The following RNF212B variants were observed in gnomAD, a reference collection of about 807,000 sequenced individuals.
RNF212B encodes E3 ubiquitin-protein ligase RNF212B.
Under a neutral mutation model 55.5 loss-of-function variants are expected in RNF212B, and 52 were observed. The ratio of observed to expected loss-of-function variants is 0.94; its 90% confidence interval spans 0.75 to 1.18. The LOEUF (loss-of-function observed/expected upper bound fraction) is 1.18. Ranked by LOEUF, RNF212B falls within the 50% of genes most tolerant of loss-of-function variation. RNF212B has a pLI of 0.00. For missense variants in RNF212B, 289 were observed against 350.4 expected (o/e 0.82, Z 1.40); for synonymous variants, 99 against 121.4 (o/e 0.82, Z 1.21).
At chr14:23,187,766 T>C (rs1249227363) in intron 1 of RNF212B, among the ~76,000 whole-genome samples, 1 of 152,196 alleles carries the variant, frequency 6.6e-6, no homozygotes, top group Non-Finnish European at 1.5e-5. Context: ...CTATGTGCTT[T>C]AGTTTAAAGC....
chr14:23,209,095 C>T (rs56183109), intron 2 of RNF212B, among the ~76,000 whole-genome samples: 3 of 152,150 alleles, frequency 2.0e-5, no homozygotes, highest in African/African-American at 4.8e-5. Flanking sequence ...TGATGATATG[C>T]TAAACAAGGG....
At chr14:23,214,098 G>A (rs1264073081) in intron 2 of RNF212B, among the ~76,000 whole-genome samples, 8 of 152,190 alleles carry the variant, frequency 5.3e-5, no homozygotes, top group African/African-American at 1.4e-4. Flanking sequence ...GCAACATAGT[G>A]AGACTCTGTA....
rs1398330099 is a variant in RNF212B, at chr14:23,199,326, G to A, written c.-2+5925G>A. On this transcript the variant is annotated intron_variant, in intron 2 of 15. Transcript: ENST00000399910. ...GAGGAGGCTTCCAGGTCACAGATAG[G>A]TGATACACAAATGGTTACATTCTTT... 5.3e-5 allele frequency among the ~76,000 whole-genome samples: 8 copies of A among 152,074 alleles called. No homozygotes were observed. In the East Asian group the frequency reaches 1.5e-3, roughly 29 times the overall value.
At position 23,266,404 on chromosome 14, in the gene RNF212B, G is replaced by GTTTTTTTTTT. The variant is rs57731750; in HGVS notation, c.634+1748_634+1757dup. Among the ~76,000 whole-genome samples, 50 of 46,874 alleles carry GTTTTTTTTTT rather than the reference G, an allele frequency of 1.1e-3. 3 individuals carry two copies. Among genetic ancestry groups the GTTTTTTTTTT allele is most frequent in the African/African-American group, 2.1e-3 (16 of 7,772 alleles). The allele number at this position is 46,874 out of a possible 152,430, so 30.8% of individuals were successfully genotyped here. ...TTCAGTGATTTAAATCCTTTTAAATGTTTTTTTTTTTTTTTTTTTTTTTTG... is the reference window on the plus strand; with the variant it reads ...TTCAGTGATTTAAATCCTTTTAAATGTTTTTTTTTTTTTTTTTTTTTTTTTTTTTTTTTTG... On this transcript the variant is annotated intron_variant, in intron 11 of 14. Coordinates refer to ENST00000430154, the MANE Select transcript of RNF212B (RefSeq NM_001282322.3).
chr14:23,257,401 G>T (rs1209621966), intron 4 of RNF212B, among the ~76,000 whole-genome samples: 1 of 151,924 alleles, frequency 6.6e-6, no homozygotes, highest in Non-Finnish European at 1.5e-5. Flanking sequence ...AAATAGACTA[G>T]AGTAAATTCT....
intron 2 of RNF212B, among the ~76,000 whole-genome samples, chr14:23,203,996 C>T (rs1038482819): frequency 1.3e-5 from 2 of 152,046 alleles, no homozygotes; most frequent in Non-Finnish European, 1.5e-5. Flanking sequence ...GCTGAGCATA[C>T]GTTTGTTTGC....
At chr14:23,196,425 CA>C (rs1281826483) in intron 2 of RNF212B, among the ~76,000 whole-genome samples, 1 of 152,046 alleles carries the variant, frequency 6.6e-6, no homozygotes, top group Non-Finnish European at 1.5e-5. Context: ...GATGACCTAC[CA>C]AAGGGCTCAA....
At chr14:23,208,690 A>C (rs1207078228) in intron 2 of RNF212B, among the ~76,000 whole-genome samples, 1 of 151,970 alleles carries the variant, frequency 6.6e-6, no homozygotes, top group Non-Finnish European at 1.5e-5. Context: ...CAAGTTTATT[A>C]AGAAAGTAAA....
intron 2 of RNF212B, among the ~76,000 whole-genome samples, chr14:23,231,646 G>A (rs565347445): frequency 2.6e-5 from 4 of 151,066 alleles, no homozygotes; most frequent in African/African-American, 9.7e-5. Context: ...CTCTCCCCAC[G>A]GTCTCCCTCT....
intron 2 of RNF212B, among the ~76,000 whole-genome samples, chr14:23,232,791 G>A (rs1299005277): frequency 6.7e-6 from 1 of 149,446 alleles, no homozygotes; most frequent in African/African-American, 2.4e-5. Flanking sequence ...AGGTGGGGGG[G>A]GGGTCAGCCT....
At chr14:23,233,741 CA>C (rs761783082), upstream of RNF212B, among the ~76,000 whole-genome samples, 6,966 of 77,544 alleles carry the variant, frequency 0.09, 160 homozygotes, top group African/African-American at 0.12. Context: ...GACCCTGTCT[CA>C]AAAAAAAAAA....
At chr14:23,210,155 G>T (rs529735752) in intron 2 of RNF212B, among the ~76,000 whole-genome samples, 14 of 152,068 alleles carry the variant, frequency 9.2e-5, no homozygotes, top group African/African-American at 3.4e-4. Context: ...CTCAAAACAC[G>T]AACAAACAAA....
At chr14:23,208,982 TCTC>T (rs1880193044) in intron 2 of RNF212B, among the ~76,000 whole-genome samples, 1 of 151,758 alleles carries the variant, frequency 6.6e-6, no homozygotes, top group South Asian at 2.1e-4. Context: ...ATGGTCTCGA[TCTC>T]CTGACCTCGT....
chr14:23,251,851 G>C (rs914038360), intron 4 of RNF212B, among the ~76,000 whole-genome samples: 9 of 151,092 alleles, frequency 6.0e-5, no homozygotes, highest in African/African-American at 2.2e-4. Flanking sequence ...ATATATCATG[G>C]AAATAGCCAA....
intron 1 of RNF212B, among the ~76,000 whole-genome samples, chr14:23,238,752 T>TAATAAC (rs1387517681): frequency 1.2e-4 from 16 of 133,084 alleles, no homozygotes; most frequent in African/African-American, 4.2e-4. Flanking sequence ...ATAATAATAA[T>TAATAAC]AATAATAATA....
intron 2 of RNF212B, among the ~76,000 whole-genome samples, chr14:23,198,708 C>G (rs1878984313): frequency 6.6e-6 from 1 of 151,412 alleles, no homozygotes; most frequent in Non-Finnish European, 1.5e-5. Context: ...TATGTAAACA[C>G]TATACTCTAG....
chr14:23,232,404 C>T (rs1275881870), intron 2 of RNF212B, among the ~76,000 whole-genome samples: 2 of 149,172 alleles, frequency 1.3e-5, no homozygotes, highest in Non-Finnish European at 3.0e-5. Flanking sequence ...CCCCTCCGCC[C>T]GGCAGCCGCC....
intron 3 of RNF212B, among the ~76,000 whole-genome samples, chr14:23,244,010 G>A (rs1012501002): frequency 1.7e-4 from 26 of 152,056 alleles, no homozygotes; most frequent in African/African-American, 5.8e-4. Flanking sequence ...CCCAAAAGGC[G>A]AGGGTTGCAA....
chr14:23,192,129 G>A (rs1196470401), intron 1 of RNF212B, among the ~76,000 whole-genome samples: 3 of 150,314 alleles, frequency 2.0e-5, no homozygotes, highest in Non-Finnish European at 3.0e-5. Flanking sequence ...ACAGTGTGGC[G>A]ATTCCTCAAG....
Sources: gnomAD v4.1 joint callset for allele counts (sites outside exome capture counted in the v4.1 genomes callset) on GRCh38, gnomAD v4.1.1 for gene constraint, MANE v1.5 for transcripts, NCBI Gene and HGNC (gene_info 2026-07-23, HGNC 2026-07-21) for gene names.